Variants in RAB38 observed in about 807,000 individuals in gnomAD.
The protein encoded by RAB38 is ras-related protein Rab-38.
RAB38 carries 15 observed loss-of-function variants against 18.4 expected under a neutral mutation model. That is an observed-to-expected ratio of 0.82 (90% CI 0.55 to 1.26). The LOEUF (loss-of-function observed/expected upper bound fraction) is 1.26, where lower values mean the gene tolerates loss of function less well. RAB38 is among the 50% of genes most tolerant of loss of function. The probability of loss-of-function intolerance (pLI) is 0.00; values close to 1 mark genes in which losing one functional copy is unlikely to be tolerated. For synonymous variants in RAB38, 101 were observed against 104.4 expected (o/e 0.97, Z 0.20); for missense variants, 294 against 267.4 (o/e 1.10, Z -0.69).
chr11:87,941,212 GAGATATATATATATATATAT>G, the RAB38 span, among the ~76,000 whole-genome samples: 8 of 37,802 alleles, frequency 2.1e-4, no homozygotes, highest in Admixed American at 8.0e-4. Flanking sequence ...ATAAATATAT[GAGATATATATATATATATAT>G]ATATATATAT....
At chr11:88,172,133 C>T (rs11018720) in intron 1 of RAB38, among the ~76,000 whole-genome samples, 63,759 of 152,090 alleles carry the variant, frequency 0.42, 13,425 homozygotes, top group Middle Eastern at 0.47. Context: ...GAAACGGAAC[C>T]GGGTCAAATC....
intron 2 of RAB38, among the ~76,000 whole-genome samples, chr11:88,145,058 G>A (rs1375313828): frequency 6.6e-6 from 1 of 152,160 alleles, no homozygotes; most frequent in Non-Finnish European, 1.5e-5. Flanking sequence ...GGTAGAGACA[G>A]TAGGAATGGT....
the RAB38 span, among the ~76,000 whole-genome samples, chr11:87,970,155 C>T: frequency 6.6e-6 from 1 of 151,988 alleles, no homozygotes; most frequent in Non-Finnish European, 1.5e-5. Context: ...AGCAAGTAAG[C>T]ACTCAACTTG....
intron 2 of RAB38, among the ~76,000 whole-genome samples, chr11:88,139,106 C>T (rs1197505316): frequency 2.6e-5 from 4 of 152,006 alleles, no homozygotes; most frequent in East Asian, 1.9e-4. Context: ...TATTAAGATT[C>T]GCATGGTCTT....
chr11:88,130,570 G>C (rs1330966433), intron 2 of RAB38, among the ~76,000 whole-genome samples: 1 of 152,182 alleles, frequency 6.6e-6, no homozygotes, highest in East Asian at 1.9e-4. Context: ...ATTTCAGACT[G>C]AGCAATCAGG....
At chr11:88,037,771 A>C in the RAB38 span, among the ~76,000 whole-genome samples, 2,658 of 152,212 alleles carry the variant, frequency 0.017, 77 homozygotes, top group African/African-American at 0.061. Context: ...ATATCTTATT[A>C]TTAATAGCTC....
At chr11:88,008,638 T>C in the RAB38 span, among the ~76,000 whole-genome samples, 2 of 152,204 alleles carry the variant, frequency 1.3e-5, no homozygotes, top group Non-Finnish European at 2.9e-5. Flanking sequence ...AGAGAGATTA[T>C]TGGGAAGGAA....
the RAB38 span, among the ~76,000 whole-genome samples, chr11:87,845,013 AAT>A: frequency 1.3e-5 from 2 of 152,244 alleles, no homozygotes; most frequent in Non-Finnish European, 2.9e-5. Context: ...GCATATTTAT[AAT>A]AGTCATTATC....
the RAB38 span, among the ~76,000 whole-genome samples, chr11:88,069,769 A>C: frequency 6.6e-6 from 1 of 152,162 alleles, no homozygotes; most frequent in African/African-American, 2.4e-5. Context: ...TAAATGCACC[A>C]ATCAGCACCC....
chr11:88,154,406 G>A (rs952186848), intron 1 of RAB38, among the ~76,000 whole-genome samples: 1 of 152,234 alleles, frequency 6.6e-6, no homozygotes, highest in Admixed American at 6.5e-5. Context: ...CCTTGGGACA[G>A]GAGGAGGGCT....
the RAB38 span, among the ~76,000 whole-genome samples, chr11:87,914,665 A>C: frequency 6.6e-6 from 1 of 152,296 alleles, no homozygotes; most frequent in South Asian, 2.1e-4. Context: ...CGTAATAGTG[A>C]AAACACTGAG....
chr11:88,038,176 A>G, the RAB38 span, among the ~76,000 whole-genome samples: 2 of 152,166 alleles, frequency 1.3e-5, no homozygotes, highest in South Asian at 2.1e-4. Flanking sequence ...TTTCCCTGCA[A>G]AAACCAGCAT....
chr11:87,826,441 A>C, the RAB38 span, among the ~76,000 whole-genome samples: 1 of 152,180 alleles, frequency 6.6e-6, no homozygotes, highest in Non-Finnish European at 1.5e-5. Flanking sequence ...ACTTAAAAGC[A>C]TATGGTGATT....
intron 2 of RAB38, among the ~76,000 whole-genome samples, chr11:88,115,998 C>A (rs1374078713): frequency 6.6e-6 from 1 of 152,198 alleles, no homozygotes; most frequent in Middle Eastern, 3.2e-3. Context: ...GAGAGAACAG[C>A]AATGCTTCTG....
the RAB38 span, among the ~76,000 whole-genome samples, chr11:87,942,437 T>C: frequency 6.6e-6 from 1 of 152,058 alleles, no homozygotes; most frequent in Non-Finnish European, 1.5e-5. Flanking sequence ...ATAATAAAAA[T>C]AAAAGGCTTT....
intron 2 of RAB38, among the ~76,000 whole-genome samples, chr11:88,130,915 A>T (rs1439958194): frequency 6.6e-6 from 1 of 152,188 alleles, no homozygotes; most frequent in South Asian, 2.1e-4. Context: ...CAGAATGATG[A>T]CTACTTCAGT....
the RAB38 span, among the ~76,000 whole-genome samples, chr11:87,837,604 G>A: frequency 2.0e-5 from 3 of 152,184 alleles, no homozygotes; most frequent in African/African-American, 7.2e-5. Context: ...AATCAGTTTG[G>A]TGCTAGTCAA....
the RAB38 span, among the ~76,000 whole-genome samples, chr11:87,891,727 A>C: frequency 6.6e-6 from 1 of 151,886 alleles, no homozygotes; most frequent in Non-Finnish European, 1.5e-5. Flanking sequence ...GTGTATCAAG[A>C]ATTTGAAATG....
At chr11:87,847,666 C>A in the RAB38 span, among the ~76,000 whole-genome samples, 2 of 152,028 alleles carry the variant, frequency 1.3e-5, no homozygotes, top group African/African-American at 4.8e-5. Flanking sequence ...CAGGAGACTG[C>A]AGCAGAACAA....
Sources: allele counts gnomAD v4.1 joint callset (sites outside exome capture counted in the v4.1 genomes callset), GRCh38; gene constraint gnomAD v4.1.1; transcripts MANE v1.5; gene names NCBI Gene and HGNC (gene_info 2026-07-23, HGNC 2026-07-21).